Variants in CCNDBP1 observed in about 807,000 individuals in gnomAD.
CCNDBP1 encodes the protein cyclin D1 binding protein 1, also known as cyclin-D1-binding protein 1.
A neutral mutation model predicts 46.2 loss-of-function variants in CCNDBP1; 45 were observed. The ratio of observed to expected loss-of-function variants is 0.97; its 90% confidence interval spans 0.77 to 1.25. The LOEUF is 1.25. Among genes scored for constraint, CCNDBP1 ranks in the 50% most tolerant of loss-of-function variants. CCNDBP1 has a pLI of 0.00. For missense variants in CCNDBP1, 436 were observed against 442.1 expected (o/e 0.99, Z 0.12); for synonymous variants, 154 against 163.6 (o/e 0.94, Z 0.45).
Position 43,196,410 on chromosome 15 carries a change from C to G in CCNDBP1, c.*1569C>G, listed in dbSNP as rs544211859. 6.7e-6 allele frequency: 1 copy of G among 150,288 alleles called. No individual in the cohort carries two copies. Among genetic ancestry groups the G allele is most frequent in the East Asian group, 2.0e-4 (1 of 5,060 alleles). 9.3% of individuals were successfully genotyped at this position (150,288 alleles called of 1,614,324 possible). On this transcript the variant is annotated 3_prime_UTR_variant, in exon 11 of 11. Transcript: ENST00000300213. ...TCAAGCAATTCTCTGGCTTCAGCCT[C>G]TCAAGTAGCTGGGACTACAGATGCA...
chr15:43,185,566 A>C lies in CCNDBP1; in HGVS notation c.68A>C (p.His23Pro), dbSNP rs1233636288. 1.9e-6 allele frequency: 3 copies of C among 1,588,990 alleles called. No individual in the cohort carries two copies. The African/African-American group carries it at 4.0e-5, about 21-fold the overall frequency. ...TLASPLEQLR[H>P]LAEELRLLLP... ...GCTTCGCCTTTGGAGCAGCTCCGGC[A>C]CTTGGCGGAGGAGCTGCGGTTGCTC... The change falls in exon 1 of 11, where the codon CAC becomes CCC. Residue 23 changes from histidine (H) to proline (P), a missense_variant. By Grantham distance (77) the His-to-Pro change is moderately conservative (BLOSUM62 -2). Transcript: ENST00000300213.
At chr15:43,186,035 G>T (rs1459704884) in intron 2 of CCNDBP1, 119 bp from the exon 3 acceptor site, 1 of 1,217,548 alleles carries the variant, frequency 8.2e-7, no homozygotes, top group South Asian at 1.2e-5. Context: ...GGGTGAAATA[G>T]AATTCTAACC....
Position 43,188,626 on chromosome 15 carries a change from A to G in CCNDBP1, c.250-573A>G, listed in dbSNP as rs948125741. On this transcript the variant is annotated intron_variant, in intron 3 of 10. Transcript: ENST00000300213. The stretch of plus-strand genomic sequence containing the variant: ...ATATCATGAATATCTTGGGATACAG[A>G]GTATCAGGAATAAGTTTTTTCCTGC... 6 of 152,362 alleles carry G rather than the reference A, an allele frequency of 3.9e-5. No individual in the cohort carries two copies. The East Asian group carries it at 9.6e-4, about 24-fold the overall frequency. 9.4% of individuals were successfully genotyped at this position (152,362 alleles called of 1,614,324 possible). A position where few individuals can be genotyped will look rare whatever the true frequency, so the allele number is the denominator to read the frequency against.
chr15:43,190,470 T>A (rs949070923), intron 6 of CCNDBP1, 72 bp downstream of exon 6: 1 of 1,133,658 alleles, frequency 8.8e-7, no homozygotes, highest in Non-Finnish European at 1.3e-6. Context: ...CTTCCAGCTT[T>A]GTAACATGTA....
At position 43,189,246 on chromosome 15, in the gene CCNDBP1, T is replaced by C. The variant is rs775361787; in HGVS notation, c.297T>C (p.Phe99=). The change falls in exon 4 of 11, where the codon TTT becomes TTC. Residue 99 remains phenylalanine (F), a synonymous_variant. Transcript: ENST00000300213. ...AAGTCCATGCTGCCATCAAGGCATT[T>C]ATTGCAGTGTACTATTTGCTTCCAA... ...CEQVHAAIKA[F]IAVYYLLPKD... 1 of 1,611,812 alleles carries C rather than the reference T, an allele frequency of 6.2e-7. No homozygotes were observed. Among genetic ancestry groups the C allele is most frequent in the Non-Finnish European group, 8.5e-7 (1 of 1,178,770 alleles).
chr15:43,189,235 A>G lies in CCNDBP1; in HGVS notation c.286A>G (p.Ile96Val). 6.2e-7 allele frequency: 1 copy of G among 1,612,776 alleles called. No individual in the cohort carries two copies. The highest frequency in any genetic ancestry group is 8.5e-7 in the Non-Finnish European group (1 of 1,179,344). The change falls in exon 4 of 11, where the codon ATC (isoleucine) becomes GTC (valine). Residue 96 changes from isoleucine to valine, a missense_variant. Ile to Val is a conservative substitution (Grantham distance 29). Transcript: ENST00000300213. The part of the protein sequence containing the change: ...QKFCEQVHAA[I>V]KAFIAVYYLL... ...GTTCTGTGAACAAGTCCATGCTGCC[A>G]TCAAGGCATTTATTGCAGTGTACTA... is the stretch of plus-strand genomic sequence containing the variant.
At position 43,191,635 on chromosome 15, in the gene CCNDBP1, C is replaced by G; in HGVS notation, c.820C>G (p.Leu274Val). The G allele has an allele frequency of 3.7e-6, 6 of 1,610,796 alleles. No individual in the cohort carries two copies. Among genetic ancestry groups the G allele is most frequent in the Non-Finnish European group, 5.1e-6 (6 of 1,179,986 alleles). Residue 274 changes from leucine (L) to valine (V), a missense_variant, in exon 8 of 11, where the codon CTG becomes GTG. Coordinates refer to ENST00000300213, the MANE Select transcript of CCNDBP1 (RefSeq NM_012142.5). The part of the protein sequence containing the change: ...ENGKKDQVAQ[L>V]DDIVDISDEI... ...TGGGAAGAAGGATCAGGTGGCACAGCTGGATGACATTGTGGATATTTCTGA... is the reference window on the plus strand; with the variant it reads ...TGGGAAGAAGGATCAGGTGGCACAGGTGGATGACATTGTGGATATTTCTGA...
rs2042014667 is a variant in CCNDBP1, at chr15:43,194,577, T to C, written c.968+116T>C. 3.9e-6 allele frequency: 4 copies of C among 1,032,054 alleles called. No individual in the cohort carries two copies. In the South Asian group the frequency reaches 6.2e-5, roughly 16 times the overall value. 63.9% of individuals were successfully genotyped at this position (1,032,054 alleles called of 1,614,324 possible). On this transcript the variant is annotated intron_variant, in intron 10 of 10. Transcript: ENST00000300213. ...GTGGGAAAGGGTGGGTGTGGGATTTTCTTTCAGCTTCAGTTGTGGGGCAGC... is the reference window on the plus strand; with the variant it reads ...GTGGGAAAGGGTGGGTGTGGGATTTCCTTTCAGCTTCAGTTGTGGGGCAGC...
chr15:43,194,568 G>A, intron 10 of CCNDBP1, 107 bp downstream of exon 10: 1 of 1,055,534 alleles, frequency 9.5e-7, no homozygotes, highest in Non-Finnish European at 1.4e-6. Context: ...AAGGGTGGGT[G>A]TGGGATTTTC....
intron 9 of CCNDBP1, chr15:43,193,943 A>G: frequency 3.9e-6 from 1 of 256,922 alleles, no homozygotes; most frequent in East Asian, 1.4e-4. Context: ...CTGCTCTAGC[A>G]ATTTTAAAAT....
intron 3 of CCNDBP1, among the ~76,000 whole-genome samples, chr15:43,186,877 T>A (rs1337277804): frequency 6.6e-6 from 1 of 152,230 alleles, no homozygotes; most frequent in East Asian, 1.9e-4. Flanking sequence ...ACATAAACAC[T>A]GTTCTGGACC....
rs867909765 is a variant in CCNDBP1, at chr15:43,191,449, A to G, written c.634A>G (p.Asn212Asp). The change falls in exon 8 of 11, where the codon AAC (asparagine) becomes GAC (aspartate). Residue 212 changes from asparagine (N) to aspartate (D), a missense_variant. Coordinates refer to ENST00000300213, the MANE Select transcript of CCNDBP1 (RefSeq NM_012142.5). ...SGLLNDTEEN[N>D]SDNHNHEDDV... ...CCTCTTGAATGATACTGAGGAGAAC[A>G]ACTCTGACAACCACAATCATGAGGA... 6.2e-7 allele frequency: 1 copy of G among 1,613,704 alleles called. No homozygotes were observed. Among genetic ancestry groups the G allele is most frequent in the Admixed American group, 1.7e-5 (1 of 59,982 alleles).
chr15:43,190,869 C>A (rs2041937612), intron 6 of CCNDBP1, 97 bp from the exon 7 acceptor site: 1 of 980,666 alleles, frequency 1.0e-6, no homozygotes, highest in African/African-American at 1.6e-5. Context: ...GTCCTTGGCA[C>A]TCCCATCAAT....
intron 1 of CCNDBP1, 64 bp downstream of exon 1, chr15:43,185,671 C>T: frequency 1.6e-6 from 2 of 1,283,722 alleles, no homozygotes; most frequent in Non-Finnish European, 2.1e-6. Flanking sequence ...AGAGGCCGGG[C>T]TCGGGGTCGG....
chr15:43,190,363 G>A lies in CCNDBP1; in HGVS notation c.467G>A (p.Trp156Ter). The A allele has an allele frequency of 6.2e-7, 1 of 1,614,172 alleles. No homozygotes were observed. Among genetic ancestry groups the A allele is most frequent in the Non-Finnish European group, 8.5e-7 (1 of 1,180,028 alleles). ...NNDLISYNSV[W>*]VACQQMPQIP... ...GACCTTATTTCCTACAACAGTGTCT[G>A]GGTTGCGTGCCAGCAGATGCCTCAG... is the stretch of plus-strand genomic sequence containing the variant. The change falls in exon 6 of 11, where the codon TGG becomes TAG. Residue 156 changes from tryptophan to a stop codon, truncating the protein, a stop_gained. Coordinates refer to ENST00000300213, the MANE Select transcript of CCNDBP1 (RefSeq NM_012142.5). LOFTEE classifies it high-confidence loss of function.
rs2041925520 is a variant in CCNDBP1 at position 43,190,155 on chromosome 15, G to A, written c.428+4G>A. ...TTTCCGTCACTCCAACTCAGAGGTA[G>A]TGATGCCACAGTTTAGGTTACCAGT... is the stretch of plus-strand genomic sequence containing the variant. On this transcript the variant is annotated splice_donor_region_variant and intron_variant, in intron 5 of 10. Coordinates refer to ENST00000300213, the MANE Select transcript of CCNDBP1 (RefSeq NM_012142.5). 6.2e-7 allele frequency: 1 copy of A among 1,613,686 alleles called. No homozygotes were observed. The highest frequency in any genetic ancestry group is 8.5e-7 in the Non-Finnish European group (1 of 1,179,656).
chr15:43,185,408 C>T lies in CCNDBP1; in HGVS notation c.-91C>T, dbSNP rs533720876. On this transcript the variant is annotated 5_prime_UTR_variant, in exon 1 of 11. The change creates a new upstream start codon in the 5' untranslated region. Transcript: ENST00000300213. ...CTTGTTGACGGAAACGAGCCCTTGA[C>T]GCTGTGGCCCGGAAGTGGAGCGGCT... 5.1e-5 allele frequency: 53 copies of T among 1,030,614 alleles called. No homozygotes were observed. In the East Asian group the frequency reaches 1.2e-3, roughly 24 times the overall value. 63.8% of individuals were successfully genotyped at this position (1,030,614 alleles called of 1,614,324 possible).
At chr15:43,191,263 C>T in intron 7 of CCNDBP1, 132 bp from the exon 8 acceptor site, 6 of 966,374 alleles carry the variant, frequency 6.2e-6, no homozygotes, top group Non-Finnish European at 7.5e-6. Flanking sequence ...TGATTCAACT[C>T]TGTAGCCCTT....
At chr15:43,192,855 C>A in intron 9 of CCNDBP1, 52 bp downstream of exon 9, 2 of 1,475,308 alleles carry the variant, frequency 1.4e-6, no homozygotes, top group Non-Finnish European at 1.9e-6. Context: ...CAGAATTTCA[C>A]TAATCACTAG....
Sources: gnomAD v4.1 joint callset for allele counts (sites outside exome capture counted in the v4.1 genomes callset) on GRCh38, gnomAD v4.1.1 for gene constraint, MANE v1.5 for transcripts, NCBI Gene and HGNC (gene_info 2026-07-23, HGNC 2026-07-21) for gene names.